KCTD8: variants seen among roughly 807,000 people sequenced by gnomAD.
The protein encoded by KCTD8 is potassium channel tetramerization domain containing 8.
Under a neutral mutation model 31.5 loss-of-function variants are expected in KCTD8, and 27 were observed. The observed-to-expected ratio is 0.86, with a 90% CI of 0.63 to 1.18. KCTD8 has a LOEUF of 1.18. Among genes scored for constraint, KCTD8 ranks in the 50% most tolerant of loss-of-function variants. KCTD8 has a pLI of 0.00. For missense variants in KCTD8, 658 were observed against 647.7 expected (o/e 1.02, Z -0.17); for synonymous variants, 290 against 280.0 (o/e 1.04, Z -0.36).
chr4:44,193,638 T>C (rs1713833854), intron 1 of KCTD8, among the ~76,000 whole-genome samples: 1 of 151,962 alleles, frequency 6.6e-6, no homozygotes, highest in Non-Finnish European at 1.5e-5. Context: ...ATCTAGGTAT[T>C]TTAACAAAAA....
chr4:44,235,525 T>TCA (rs1715250791), intron 1 of KCTD8, among the ~76,000 whole-genome samples: 1 of 55,064 alleles, frequency 1.8e-5, no homozygotes, highest in Non-Finnish European at 3.8e-5. Flanking sequence ...AGACACTGGA[T>TCA]TATATATATA....
At chr4:44,249,045 C>A (rs1030036781) in intron 1 of KCTD8, among the ~76,000 whole-genome samples, 10 of 151,728 alleles carry the variant, frequency 6.6e-5, no homozygotes, top group Non-Finnish European at 4.4e-5. Context: ...ATATCACCTA[C>A]TATGCCTCCC....
intron 1 of KCTD8, among the ~76,000 whole-genome samples, chr4:44,215,949 G>C (rs1268525534): frequency 3.9e-5 from 6 of 152,066 alleles, no homozygotes; most frequent in Admixed American, 6.6e-5. Context: ...AATATGGTGA[G>C]GTACAGAAGG....
chr4:44,216,226 C>T (rs931021376), intron 1 of KCTD8, among the ~76,000 whole-genome samples: 1 of 152,118 alleles, frequency 6.6e-6, no homozygotes. Context: ...CGCTGAAGTG[C>T]CATCTAAATT....
chr4:44,178,353 A>G (rs1455236196), intron 1 of KCTD8, among the ~76,000 whole-genome samples: 1 of 152,274 alleles, frequency 6.6e-6, no homozygotes, highest in African/African-American at 2.4e-5. Context: ...GTATGTGTTT[A>G]TATGAAGCCG....
chr4:44,279,338 G>A (rs919882682), intron 1 of KCTD8, among the ~76,000 whole-genome samples: 2 of 151,998 alleles, frequency 1.3e-5, no homozygotes, highest in African/African-American at 4.8e-5. Context: ...GGGGAGACCT[G>A]CTTCCCAGTT....
At chr4:44,396,446 G>C (rs1720506097) in intron 1 of KCTD8, among the ~76,000 whole-genome samples, 1 of 145,882 alleles carries the variant, frequency 6.9e-6, no homozygotes. Flanking sequence ...AACTACTCAA[G>C]GAAAGTTGTT....
intron 1 of KCTD8, among the ~76,000 whole-genome samples, chr4:44,249,137 T>C (rs1198649695): frequency 6.6e-6 from 1 of 151,742 alleles, no homozygotes; most frequent in Non-Finnish European, 1.5e-5. Context: ...GTGAGAAAAC[T>C]AGGACTTTCA....
chr4:44,304,391 T>C (rs1407564455), intron 1 of KCTD8, among the ~76,000 whole-genome samples: 1 of 152,146 alleles, frequency 6.6e-6, no homozygotes, highest in African/African-American at 2.4e-5. Flanking sequence ...AAAAATAGTT[T>C]TCCTAATCTT....
At chr4:44,286,294 C>G (rs1717065723) in intron 1 of KCTD8, among the ~76,000 whole-genome samples, 1 of 152,096 alleles carries the variant, frequency 6.6e-6, no homozygotes, top group African/African-American at 2.4e-5. Context: ...AATTCAGTAT[C>G]TCTGAAAATA....
At chr4:44,269,644 G>A (rs1716514750) in intron 1 of KCTD8, among the ~76,000 whole-genome samples, 2 of 152,074 alleles carry the variant, frequency 1.3e-5, no homozygotes, top group African/African-American at 4.8e-5. Flanking sequence ...CTACTCATCT[G>A]AAAAAGGGCT....
chr4:44,309,926 T>G (rs1167194832), intron 1 of KCTD8, among the ~76,000 whole-genome samples: 6 of 152,126 alleles, frequency 3.9e-5, no homozygotes, highest in Non-Finnish European at 7.4e-5. Context: ...ACAGTTGCCT[T>G]ACGCAGTATC....
intron 1 of KCTD8, among the ~76,000 whole-genome samples, chr4:44,408,077 A>G (rs1410542395): frequency 6.6e-6 from 1 of 152,214 alleles, no homozygotes. Flanking sequence ...CTAAGGATTT[A>G]GGCAACTTTG....
chr4:44,244,548 G>C (rs529667619), intron 1 of KCTD8, among the ~76,000 whole-genome samples: 1 of 152,242 alleles, frequency 6.6e-6, no homozygotes. Flanking sequence ...ATGGAAACTA[G>C]AGGCTCTTTT....
chr4:44,293,684 G>A, intron 1 of KCTD8: 1 of 375,304 alleles, frequency 2.7e-6, no homozygotes, highest in Middle Eastern at 3.8e-4. Flanking sequence ...ATGATGACAT[G>A]AGGGAAATTT....
chr4:44,411,759 C>G (rs537546089), intron 1 of KCTD8, among the ~76,000 whole-genome samples: 1 of 151,912 alleles, frequency 6.6e-6, no homozygotes, highest in Non-Finnish European at 1.5e-5. Flanking sequence ...GAAGAATGCC[C>G]TATGACAACA....
chr4:44,350,944 A>C (rs1418007110), intron 1 of KCTD8, among the ~76,000 whole-genome samples: 1 of 152,124 alleles, frequency 6.6e-6, no homozygotes, highest in Non-Finnish European at 1.5e-5. Flanking sequence ...TGCATTCACC[A>C]ATTAACTCAA....
At chr4:44,289,563 C>T (rs894089192) in intron 1 of KCTD8, among the ~76,000 whole-genome samples, 1 of 152,112 alleles carries the variant, frequency 6.6e-6, no homozygotes, top group African/African-American at 2.4e-5. Context: ...CTAGTTCCAT[C>T]CTAGAACGGC....
intron 1 of KCTD8, among the ~76,000 whole-genome samples, chr4:44,244,999 G>T (rs558104187): frequency 2.0e-5 from 3 of 152,220 alleles, no homozygotes; most frequent in Admixed American, 6.5e-5. Flanking sequence ...CACTACAACT[G>T]CACAACACAT....
Sources: allele counts gnomAD v4.1 joint callset (sites outside exome capture counted in the v4.1 genomes callset), GRCh38; gene constraint gnomAD v4.1.1; transcripts MANE v1.5; gene names NCBI Gene and HGNC (gene_info 2026-07-23, HGNC 2026-07-21).